MAN2A1: variants seen among roughly 807,000 people sequenced by gnomAD.
MAN2A1 encodes the protein mannosidase alpha class 2A member 1, also known as alpha-mannosidase 2.
Under a neutral mutation model 142.6 loss-of-function variants are expected in MAN2A1, and 76 were observed. The observed-to-expected ratio is 0.53, with a 90% CI of 0.44 to 0.65. The LOEUF is 0.65. Ranked by LOEUF, MAN2A1 falls within the 30% of genes least tolerant of loss-of-function variation. MAN2A1 has a pLI of 0.00. For missense variants in MAN2A1, 1,311 were observed against 1,365.1 expected (o/e 0.96, Z 0.62); for synonymous variants, 559 against 473.2 (o/e 1.18, Z -2.35).
intron 9 of MAN2A1, 100 bp from the exon 10 acceptor site, chr5:109,784,644 A>G: frequency 2.3e-6 from 2 of 872,258 alleles, no homozygotes; most frequent in Non-Finnish European, 3.4e-6. Flanking sequence ...TTGTACTGCA[A>G]TTATGGATTA....
At position 109,867,729 on chromosome 5, in the gene MAN2A1, A is replaced by G. The variant is rs1218640196; in HGVS notation, c.*731A>G. The G allele has an allele frequency of 2.0e-5, 3 of 152,620 alleles. No individual in the cohort carries two copies. The highest frequency in any genetic ancestry group is 7.2e-5 in the African/African-American group (3 of 41,444). 9.5% of individuals were successfully genotyped at this position (152,620 alleles called of 1,614,324 possible). On this transcript the variant is annotated 3_prime_UTR_variant, in exon 22 of 22. Coordinates refer to ENST00000261483, the MANE Select transcript of MAN2A1 (RefSeq NM_002372.4). ...ATAGAAGCAATTCCATAGGTACCAT[A>G]AACCTATTTTAGGTACCACAAGGTG...
chr5:109,770,101 G>T (rs912393012), intron 6 of MAN2A1, among the ~76,000 whole-genome samples: 5 of 152,152 alleles, frequency 3.3e-5, no homozygotes, highest in African/African-American at 1.2e-4. Context: ...GCTGGCGCTG[G>T]TTCATGCTGG....
rs751820304 is a variant in MAN2A1 at position 109,846,056 on chromosome 5, TG to T, written c.2842+51del. ...CACTCTGAAAGGTTTCAATTCCAAC[TG>T]TATACTTTTTCTGTTGGTCAGATGT... is the stretch of plus-strand genomic sequence containing the variant. On this transcript the variant is annotated intron_variant, in intron 18 of 21. Coordinates refer to ENST00000261483, the MANE Select transcript of MAN2A1 (RefSeq NM_002372.4). The T allele has an allele frequency of 2.7e-6, 4 of 1,500,132 alleles. No homozygotes were observed. In the South Asian group the frequency reaches 5.2e-5, roughly 20 times the overall value. 92.9% of individuals were successfully genotyped at this position (1,500,132 alleles called of 1,614,324 possible).
intron 16 of MAN2A1, among the ~76,000 whole-genome samples, chr5:109,836,928 A>T (rs543968560): frequency 6.6e-6 from 1 of 152,024 alleles, no homozygotes; most frequent in Non-Finnish European, 1.5e-5. Context: ...ATAGTTTATC[A>T]TGCTATACAA....
At chr5:109,848,979 A>G (rs1390479566) in intron 19 of MAN2A1, among the ~76,000 whole-genome samples, 1 of 152,168 alleles carries the variant, frequency 6.6e-6, no homozygotes, top group Non-Finnish European at 1.5e-5. Flanking sequence ...ATGTCAGTAG[A>G]TCCAGTGCAT....
At chr5:109,740,425 A>G (rs1387833774) in intron 4 of MAN2A1, among the ~76,000 whole-genome samples, 1 of 152,142 alleles carries the variant, frequency 6.6e-6, no homozygotes, top group Non-Finnish European at 1.5e-5. Flanking sequence ...TAAGCCAGGT[A>G]GGAGATGTGT....
intron 16 of MAN2A1, among the ~76,000 whole-genome samples, chr5:109,828,236 TAAC>T (rs1754810203): frequency 6.6e-6 from 1 of 152,134 alleles, no homozygotes; most frequent in African/African-American, 2.4e-5. Context: ...TTGTAGAAAA[TAAC>T]ACTCTTCTGG....
intron 1 of MAN2A1, among the ~76,000 whole-genome samples, chr5:109,704,190 C>T (rs1411085041): frequency 2.0e-5 from 3 of 152,322 alleles, no homozygotes; most frequent in East Asian, 3.9e-4. Flanking sequence ...CTTGGAGTCC[C>T]AGCTTTTCCC....
At chr5:109,705,012 G>A (rs1751090691) in intron 1 of MAN2A1, among the ~76,000 whole-genome samples, 1 of 152,042 alleles carries the variant, frequency 6.6e-6, no homozygotes, top group African/African-American at 2.4e-5. Flanking sequence ...CTATCTAATA[G>A]TTTCAGAATA....
intron 4 of MAN2A1, among the ~76,000 whole-genome samples, chr5:109,732,985 C>G (rs1751963122): frequency 6.6e-6 from 1 of 152,182 alleles, no homozygotes; most frequent in African/African-American, 2.4e-5. Flanking sequence ...TTGATTCTTT[C>G]TACCCATGAG....
intron 15 of MAN2A1, among the ~76,000 whole-genome samples, 170 bp from the exon 16 acceptor site, chr5:109,823,553 G>A (rs1754682546): frequency 2.6e-5 from 4 of 152,154 alleles, no homozygotes; most frequent in Middle Eastern, 3.4e-3. Context: ...TAAAAAACAC[G>A]TTCAGTTTTT....
intron 8 of MAN2A1, among the ~76,000 whole-genome samples, chr5:109,777,239 G>A (rs1753318513): frequency 6.6e-6 from 1 of 152,056 alleles, no homozygotes; most frequent in Non-Finnish European, 1.5e-5. Context: ...TTCTCAGTTT[G>A]TATTGTCAGG....
chr5:109,828,638 G>A (rs1754823474), intron 16 of MAN2A1, among the ~76,000 whole-genome samples: 1 of 152,184 alleles, frequency 6.6e-6, no homozygotes, highest in Non-Finnish European at 1.5e-5. Context: ...GTTCTCCTAG[G>A]CAGGTGTTTG....
chr5:109,814,365 A>G (rs182959253), intron 12 of MAN2A1, among the ~76,000 whole-genome samples: 19 of 152,314 alleles, frequency 1.2e-4, no homozygotes, highest in African/African-American at 4.6e-4. Context: ...AAATGTGATG[A>G]CAATGAAAAT....
chr5:109,793,401 T>G (rs562682946), intron 12 of MAN2A1, among the ~76,000 whole-genome samples: 249 of 152,284 alleles, frequency 1.6e-3, no homozygotes, highest in Non-Finnish European at 2.9e-3. Flanking sequence ...ATATGCAACA[T>G]AGCAAGAGTA....
intron 12 of MAN2A1, among the ~76,000 whole-genome samples, chr5:109,801,670 T>G (rs1754035703): frequency 6.6e-6 from 1 of 152,146 alleles, no homozygotes; most frequent in South Asian, 2.1e-4. Context: ...GGACTGGAGT[T>G]GTGTTCTGAA....
rs1755936780 is a variant in MAN2A1 at position 109,868,502 on chromosome 5, T to A, written c.*1504T>A. The A allele has an allele frequency of 6.6e-6, 1 of 152,202 alleles. No individual in the cohort carries two copies. Among genetic ancestry groups the A allele is most frequent in the African/African-American group, 2.4e-5 (1 of 41,444 alleles). 9.4% of individuals were successfully genotyped at this position (152,202 alleles called of 1,614,324 possible). On this transcript the variant is annotated 3_prime_UTR_variant, in exon 22 of 22. Coordinates refer to ENST00000261483, the MANE Select transcript of MAN2A1 (RefSeq NM_002372.4). ...ATATTCTGTGGCTTTCAACCTCCAT[T>A]TACCTCTTGTCATTCCAACATCTTT...
At chr5:109,693,870 A>G (rs1310199849) in intron 1 of MAN2A1, among the ~76,000 whole-genome samples, 2 of 146,712 alleles carry the variant, frequency 1.4e-5, no homozygotes, top group Non-Finnish European at 3.1e-5. Flanking sequence ...CTCAGCTAAG[A>G]AAATTAATAA....
intron 4 of MAN2A1, among the ~76,000 whole-genome samples, chr5:109,736,191 A>G (rs1314404177): frequency 6.6e-6 from 1 of 152,186 alleles, no homozygotes; most frequent in Non-Finnish European, 1.5e-5. Context: ...ATAAACACAC[A>G]CACACAGAGT....
Sources: allele counts gnomAD v4.1 joint callset (sites outside exome capture counted in the v4.1 genomes callset), GRCh38; gene constraint gnomAD v4.1.1; transcripts MANE v1.5; gene names NCBI Gene and HGNC (gene_info 2026-07-23, HGNC 2026-07-21).